COPG2: variants seen among roughly 807,000 people sequenced by gnomAD.
COPG2 encodes the protein coat protein complex I subunit gamma 2.
COPG2 carries 37 observed loss-of-function variants against 46.3 expected under a neutral mutation model. The ratio of observed to expected loss-of-function variants is 0.80; its 90% CI spans 0.61 to 1.05. The LOEUF (loss-of-function observed/expected upper bound fraction) is 1.05, where lower values mean the gene tolerates loss of function less well. Ranked by LOEUF, COPG2 falls within the 50% of genes least tolerant of loss-of-function variation. The probability of loss-of-function intolerance (pLI) is 0.00; values close to 1 mark genes in which losing one functional copy is unlikely to be tolerated. For missense variants in COPG2, 427 were observed against 387.8 expected, an observed-to-expected ratio of 1.10 and a Z score of -0.85; for synonymous variants, 159 against 129.7, an observed-to-expected ratio of 1.23 and a Z score of -1.53.
rs1489762792 is a variant in COPG2 at position 130,564,338 on chromosome 7, T to C, written c.793A>G (p.Met265Val). Residue 265 changes from methionine to valine, a missense_variant, in exon 10 of 24, where the codon ATG becomes GTG. By Grantham distance (21) the Met-to-Val change is conservative. Transcript: ENST00000425248. ...IESCLRNKHE[M>V]VIYEAASAII... ...GCTGAAGCAGCTTCATAAATAACCA[T>C]TTCATGTTTATTTCGCAAGCAGCTC... 1.3e-5 allele frequency: 5 copies of C among 398,546 alleles called. No individual in the cohort carries two copies. The highest frequency in any genetic ancestry group is 2.2e-5 in the Non-Finnish European group (5 of 226,040). The allele number at this position is 398,546 out of a possible 1,614,324, so 24.7% of individuals were successfully genotyped here.
chr7:130,612,065 T>C, intron 8 of COPG2, 87 bp downstream of exon 8: 1 of 910,982 alleles, frequency 1.1e-6, no homozygotes, highest in Non-Finnish European at 1.8e-6. Context: ...AGTTAATGTT[T>C]ATCTAGGGAA....
chr7:130,525,514 T>C (rs1342757862), intron 20 of COPG2, among the ~76,000 whole-genome samples: 1 of 152,078 alleles, frequency 6.6e-6, no homozygotes, highest in Non-Finnish European at 1.5e-5. Flanking sequence ...TTTGAGTCTA[T>C]TGTGTGGGTA....
intron 5 of COPG2, among the ~76,000 whole-genome samples, chr7:130,646,459 T>C (rs1554458202): frequency 6.6e-6 from 1 of 151,868 alleles, no homozygotes; most frequent in African/African-American, 2.4e-5. Context: ...GTTTCAATTT[T>C]AGCAGAATTG....
At chr7:130,657,603 T>C (rs10279517) in intron 4 of COPG2, among the ~76,000 whole-genome samples, 25,704 of 152,102 alleles carry the variant, frequency 0.17, 4,307 homozygotes, top group African/African-American at 0.44. Flanking sequence ...ACATAAGCCA[T>C]ATACTGAGAG....
At chr7:130,630,201 G>A (rs188657315) in intron 5 of COPG2, among the ~76,000 whole-genome samples, 5 of 152,100 alleles carry the variant, frequency 3.3e-5, no homozygotes, top group Admixed American at 1.3e-4. Context: ...TTGAGCCACC[G>A]CACCCGGCCC....
chr7:130,617,380 T>C (rs1330595731), intron 5 of COPG2, among the ~76,000 whole-genome samples: 1 of 152,208 alleles, frequency 6.6e-6, no homozygotes, highest in East Asian at 1.9e-4. Flanking sequence ...TACTGATAAT[T>C]AGCATAAAAG....
At chr7:130,591,642 T>A (rs1368409213) in intron 9 of COPG2, among the ~76,000 whole-genome samples, 3 of 107,110 alleles carry the variant, frequency 2.8e-5, no homozygotes, top group Admixed American at 9.4e-5. Flanking sequence ...CCCGTCCGGT[T>A]GGTGAGGGGC....
chr7:130,540,966 C>A (rs1433308128), intron 20 of COPG2, among the ~76,000 whole-genome samples: 1 of 152,072 alleles, frequency 6.6e-6, no homozygotes, highest in African/African-American at 2.4e-5. Flanking sequence ...AAACCAAGCC[C>A]AAAAGATGCT....
intron 9 of COPG2, among the ~76,000 whole-genome samples, chr7:130,591,739 C>T (rs1383972766): frequency 3.1e-4 from 45 of 143,640 alleles, no homozygotes; most frequent in Non-Finnish European, 5.3e-4. Flanking sequence ...GGGGGGTCAG[C>T]CCCCCGCCCG....
chr7:130,537,937 G>A (rs1033293579), intron 20 of COPG2, among the ~76,000 whole-genome samples: 4 of 152,282 alleles, frequency 2.6e-5, no homozygotes, highest in South Asian at 2.1e-4. Context: ...ATGGCGAGAC[G>A]ATGAAAGGCC....
At chr7:130,570,996 T>G (rs1038033362) in intron 9 of COPG2, among the ~76,000 whole-genome samples, 1 of 152,186 alleles carries the variant, frequency 6.6e-6, no homozygotes, top group Non-Finnish European at 1.5e-5. Context: ...TGGCTAGCCA[T>G]GCGTAGGAGA....
intron 6 of COPG2, among the ~76,000 whole-genome samples, chr7:130,614,261 T>C (rs574765972): frequency 1.5e-3 from 236 of 152,336 alleles, no homozygotes; most frequent in Middle Eastern, 6.8e-3. Context: ...GTTTTATTGC[T>C]AGCACTAGCA....
intron 18 of COPG2, among the ~76,000 whole-genome samples, chr7:130,548,973 A>C (rs1305058335): frequency 6.6e-6 from 1 of 152,004 alleles, no homozygotes; most frequent in African/African-American, 2.4e-5. Flanking sequence ...ACATTCAACT[A>C]ATATGTCCCC....
At chr7:130,552,273 C>T (rs945888025) in intron 15 of COPG2, 82 bp downstream of exon 15, 23 of 395,830 alleles carry the variant, frequency 5.8e-5, no homozygotes, top group African/African-American at 2.9e-4. Flanking sequence ...AGAGTGCATC[C>T]GCCCTATGGT....
intron 4 of COPG2, among the ~76,000 whole-genome samples, chr7:130,654,861 T>C (rs1395428751): frequency 1.3e-5 from 2 of 152,138 alleles, no homozygotes; most frequent in African/African-American, 2.4e-5. Context: ...TTGTCCTACA[T>C]CTCTAATTTG....
chr7:130,573,594 A>G (rs1563046422), intron 9 of COPG2, among the ~76,000 whole-genome samples: 1 of 152,268 alleles, frequency 6.6e-6, no homozygotes, highest in South Asian at 2.1e-4. Flanking sequence ...CCACATAATC[A>G]TCTTCACAGA....
At chr7:130,630,456 C>T (rs1554455011) in intron 5 of COPG2, among the ~76,000 whole-genome samples, 1 of 152,134 alleles carries the variant, frequency 6.6e-6, no homozygotes. Flanking sequence ...TTGTTGGATT[C>T]CACAAATTTT....
chr7:130,530,587 G>C (rs1799814397), intron 20 of COPG2, among the ~76,000 whole-genome samples: 1 of 152,214 alleles, frequency 6.6e-6, no homozygotes, highest in Non-Finnish European at 1.5e-5. Flanking sequence ...AGATGACTGA[G>C]CCCGATGAAG....
intron 20 of COPG2, among the ~76,000 whole-genome samples, chr7:130,540,626 G>C (rs1396012891): frequency 2.0e-5 from 3 of 152,060 alleles, no homozygotes; most frequent in African/African-American, 4.8e-5. Context: ...TCCAAGCAGA[G>C]AGTTCCAGGC....
Sources: allele counts gnomAD v4.1 joint callset (sites outside exome capture counted in the v4.1 genomes callset), GRCh38; gene constraint gnomAD v4.1.1; transcripts MANE v1.5; gene names NCBI Gene and HGNC (gene_info 2026-07-23, HGNC 2026-07-21).